The following DCAF6 variants were observed in gnomAD, a reference collection of about 807,000 sequenced individuals.
DCAF6 encodes the protein DDB1- and CUL4-associated factor 6.
Under a neutral mutation model 125.1 loss-of-function variants are expected in DCAF6, and 54 were observed. The observed-to-expected ratio is 0.43, with a 90% CI of 0.35 to 0.54. The LOEUF (loss-of-function observed/expected upper bound fraction) is 0.54. Ranked by LOEUF, DCAF6 falls within the 20% of genes least tolerant of loss-of-function variation. DCAF6 has a pLI of 0.01. For missense variants in DCAF6, 934 were observed against 1,161.7 expected, an observed-to-expected ratio of 0.80 and a Z score of 2.85; for synonymous variants, 371 against 390.4, an observed-to-expected ratio of 0.95 and a Z score of 0.58.
At chr1:167,964,746 C>A (rs945914292) in intron 2 of DCAF6, among the ~76,000 whole-genome samples, 3 of 152,028 alleles carry the variant, frequency 2.0e-5, no homozygotes, top group Non-Finnish European at 2.9e-5. Context: ...AGTCTTTGTT[C>A]TTTTTGCTTC....
intron 13 of DCAF6, among the ~76,000 whole-genome samples, chr1:168,042,075 T>C (rs564080950): frequency 6.6e-6 from 1 of 152,132 alleles, no homozygotes; most frequent in Admixed American, 6.6e-5. Context: ...ATATATGTAC[T>C]CTCTTTTTTT....
At chr1:167,931,296 T>C (rs1034399314), upstream of DCAF6, among the ~76,000 whole-genome samples, 23 of 152,334 alleles carry the variant, frequency 1.5e-4, no homozygotes, top group African/African-American at 5.5e-4. Context: ...CGTTATTTTA[T>C]CCACTGCTTT....
At chr1:167,906,220 G>A in the DCAF6 span, among the ~76,000 whole-genome samples, 18 of 151,838 alleles carry the variant, frequency 1.2e-4, no homozygotes, top group African/African-American at 4.1e-4. Context: ...ACTTTAAAAT[G>A]TATATAGTAT....
intron 17 of DCAF6, among the ~76,000 whole-genome samples, chr1:168,058,560 T>G (rs1183298962): frequency 6.6e-6 from 1 of 152,046 alleles, no homozygotes; most frequent in Non-Finnish European, 1.5e-5. Flanking sequence ...TCTCCTGATC[T>G]GGTTTTTTGT....
chr1:167,866,347 G>A, the DCAF6 span, among the ~76,000 whole-genome samples: 1 of 152,092 alleles, frequency 6.6e-6, no homozygotes, highest in Non-Finnish European at 1.5e-5. Context: ...TTTAAAGCTT[G>A]AAATCAAATA....
chr1:168,024,423 A>G (rs1349556615), intron 12 of DCAF6, among the ~76,000 whole-genome samples: 2 of 152,206 alleles, frequency 1.3e-5, no homozygotes, highest in South Asian at 2.1e-4. Context: ...TGTGAAATAT[A>G]TGTAATTTAA....
chr1:167,978,417 T>C (rs2102920150), intron 4 of DCAF6, among the ~76,000 whole-genome samples: 1 of 152,322 alleles, frequency 6.6e-6, no homozygotes, highest in Middle Eastern at 3.4e-3. Context: ...TATAGTATCA[T>C]CTTAATTGGT....
At chr1:167,930,335 C>G in the DCAF6 span, among the ~76,000 whole-genome samples, 3 of 152,126 alleles carry the variant, frequency 2.0e-5, no homozygotes, top group Non-Finnish European at 4.4e-5. Context: ...TCTTCAGGTA[C>G]AAAGAATCAG....
chr1:168,024,436 T>G (rs1402581082), intron 12 of DCAF6, among the ~76,000 whole-genome samples: 1 of 152,206 alleles, frequency 6.6e-6, no homozygotes, highest in Non-Finnish European at 1.5e-5. Context: ...TAATTTAAAC[T>G]ATATTCTTAG....
chr1:167,926,136 T>A, the DCAF6 span, among the ~76,000 whole-genome samples: 1 of 152,262 alleles, frequency 6.6e-6, no homozygotes, highest in Non-Finnish European at 1.5e-5. Flanking sequence ...TTTTCTCACA[T>A]ACATCTGGTA....
chr1:167,936,144 CT>C (rs1224990955), upstream of DCAF6: 2 of 355,848 alleles, frequency 5.6e-6, no homozygotes, highest in East Asian at 1.3e-4. Context: ...CAAGTCTGCG[CT>C]GCGCCCTGCT....
At position 168,048,865 on chromosome 1, in the gene DCAF6, C is replaced by G. The variant is rs532218659; in HGVS notation, c.2259-2027C>G. On this transcript the variant is annotated intron_variant, in intron 16 of 21. Transcript: ENST00000367840. Reference sequence around the variant, plus strand: ...GCCTAAGGTTCATTTCAAAAATCGGCATTTGGCGGAGATCTAGCCCAAGAG... The same window carrying G: ...GCCTAAGGTTCATTTCAAAAATCGGGATTTGGCGGAGATCTAGCCCAAGAG... 2.6e-5 allele frequency among the ~76,000 whole-genome samples: 4 copies of G among 152,302 alleles called. No individual in the cohort carries two copies. The South Asian group carries it at 6.2e-4, about 24-fold the overall frequency.
At chr1:167,950,574 A>G (rs1218159835) in intron 1 of DCAF6, among the ~76,000 whole-genome samples, 1 of 152,234 alleles carries the variant, frequency 6.6e-6, no homozygotes, top group Admixed American at 6.5e-5. Context: ...AAGTAAAACA[A>G]ATTGGCTTCA....
chr1:168,007,659 A>G (rs1354055143), intron 10 of DCAF6, among the ~76,000 whole-genome samples: 2 of 152,110 alleles, frequency 1.3e-5, no homozygotes, highest in African/African-American at 2.4e-5. Context: ...CTATGATATC[A>G]TATTTGCCTA....
chr1:167,904,376 G>A, the DCAF6 span, among the ~76,000 whole-genome samples: 1 of 152,018 alleles, frequency 6.6e-6, no homozygotes, highest in Non-Finnish European at 1.5e-5. Flanking sequence ...GTGAGCCACC[G>A]AACCCGGTGG....
At chr1:168,030,313 G>A (rs2103300953) in intron 12 of DCAF6, among the ~76,000 whole-genome samples, 1 of 152,310 alleles carries the variant, frequency 6.6e-6, no homozygotes, top group Non-Finnish European at 1.5e-5. Context: ...ATGAGTAAAG[G>A]GAAGCATGAA....
chr1:167,869,302 C>T, the DCAF6 span, among the ~76,000 whole-genome samples: 4 of 152,150 alleles, frequency 2.6e-5, no homozygotes, highest in African/African-American at 9.7e-5. Context: ...CTTAGTTCAC[C>T]AAAATGCCTC....
rs372737753 is a variant in DCAF6 at position 168,065,718 on chromosome 1, C to T, written c.2568C>T (p.Asn856=). 1 of 1,612,490 alleles carries T rather than the reference C, an allele frequency of 6.2e-7. No individual in the cohort carries two copies. The highest frequency in any genetic ancestry group is 1.3e-5 in the African/African-American group (1 of 74,882). Residue 856 remains asparagine (N), a synonymous_variant, in exon 19 of 22, where the codon AAC becomes AAT. Transcript: ENST00000367840. ...TGGAAGCTGATAATCATGTGGTAAACTGCCTGCAGCCACATCCGTTTGACC... is the reference window on the plus strand; with the variant it reads ...TGGAAGCTGATAATCATGTGGTAAATTGCCTGCAGCCACATCCGTTTGACC... ...MLLEADNHVV[N]CLQPHPFDPI...
At chr1:167,967,814 T>G (rs1371894323) in intron 3 of DCAF6, among the ~76,000 whole-genome samples, 1 of 142,734 alleles carries the variant, frequency 7.0e-6, no homozygotes, top group East Asian at 2.3e-4. Flanking sequence ...TACTGCAACC[T>G]CTGCCTCCTG....
Sources: gnomAD v4.1 joint callset for allele counts (sites outside exome capture counted in the v4.1 genomes callset) on GRCh38, gnomAD v4.1.1 for gene constraint, MANE v1.5 for transcripts, NCBI Gene and HGNC (gene_info 2026-07-23, HGNC 2026-07-21) for gene names.